The following ZNF33B variants were observed in gnomAD, a reference collection of about 807,000 sequenced individuals.
The protein encoded by ZNF33B is zinc finger protein 33B.
Under a neutral mutation model 45.8 loss-of-function variants are expected in ZNF33B, and 29 were observed. That is an observed-to-expected ratio of 0.63 (90% CI 0.47 to 0.86). The LOEUF (loss-of-function observed/expected upper bound fraction) is 0.86. Among genes scored for constraint, ZNF33B ranks in the 40% least tolerant of loss-of-function variants. ZNF33B has a pLI of 0.00. For synonymous variants in ZNF33B, 305 were observed against 307.8 expected, an observed-to-expected ratio of 0.99 and a Z score of 0.10; for missense variants, 831 against 909.9, an observed-to-expected ratio of 0.91 and a Z score of 1.12.
intron 4 of ZNF33B, among the ~76,000 whole-genome samples, chr10:42,604,571 C>G (rs1237740218): frequency 6.6e-6 from 1 of 151,936 alleles, no homozygotes; most frequent in Non-Finnish European, 1.5e-5. Context: ...AATGAAAATT[C>G]TGGATTCAAA....
At chr10:42,611,757 CACATAACACAACT>C (rs1207148500) in intron 4 of ZNF33B, among the ~76,000 whole-genome samples, 46 of 152,294 alleles carry the variant, frequency 3.0e-4, no homozygotes, top group African/African-American at 1.1e-3. Context: ...AATAAAAGGA[CACATAACACAACT>C]ACATAATGAA....
intron 4 of ZNF33B, among the ~76,000 whole-genome samples, chr10:42,615,802 G>A (rs1838286398): frequency 6.6e-6 from 1 of 152,066 alleles, no homozygotes; most frequent in Non-Finnish European, 1.5e-5. Context: ...GTGCATGCCT[G>A]CAATCCCAGC....
intron 4 of ZNF33B, among the ~76,000 whole-genome samples, chr10:42,620,217 GAAAAA>G (rs35650961): frequency 9.9e-6 from 1 of 100,626 alleles, no homozygotes. Flanking sequence ...CTTTGGTCTT[GAAAAA>G]AAAAAAAAAA....
At chr10:42,587,920 G>A (rs912951525), downstream of ZNF33B, among the ~76,000 whole-genome samples, 1 of 152,170 alleles carries the variant, frequency 6.6e-6, no homozygotes, top group African/African-American at 2.4e-5. Context: ...ACAGGGTGCA[G>A]GTACTACCCC....
intron 4 of ZNF33B, among the ~76,000 whole-genome samples, chr10:42,630,482 T>C (rs1248213080): frequency 6.6e-6 from 1 of 152,194 alleles, no homozygotes; most frequent in Non-Finnish European, 1.5e-5. Flanking sequence ...GAATGTGCAG[T>C]TTTATATCTT....
At chr10:42,614,794 A>C (rs1412637140) in intron 4 of ZNF33B, among the ~76,000 whole-genome samples, 1 of 152,068 alleles carries the variant, frequency 6.6e-6, no homozygotes, top group African/African-American at 2.4e-5. Flanking sequence ...TCTCCACAAA[A>C]AATACAAAAA....
At chr10:42,582,204 T>C (rs1836841094) in intron 1 of ZNF33B, 1 of 152,130 alleles carries the variant, frequency 6.6e-6, no homozygotes, top group Non-Finnish European at 1.5e-5. Flanking sequence ...TCACAGTCTA[T>C]TCAGAGTTAG....
At position 42,591,235 on chromosome 10, in the gene ZNF33B, G is replaced by A; in HGVS notation, c.*1378C>T. 1 of 920,310 alleles carries A rather than the reference G, an allele frequency of 1.1e-6. No homozygotes were observed. Among genetic ancestry groups the A allele is most frequent in the East Asian group, 1.2e-4 (1 of 8,466 alleles). 57.0% of individuals were successfully genotyped at this position (920,310 alleles called of 1,614,324 possible). A position where few individuals can be genotyped will look rare whatever the true frequency, so the allele number is the denominator to read the frequency against. ...GCCCTGGGCAGCAACTGGGCTGTATGTGTGGGCCTCTTTCCAGGGCCCTGT... is the reference window on the plus strand; with the variant it reads ...GCCCTGGGCAGCAACTGGGCTGTATATGTGGGCCTCTTTCCAGGGCCCTGT... On this transcript the variant is annotated 3_prime_UTR_variant, in exon 5 of 5. Coordinates refer to ENST00000359467, the MANE Select transcript of ZNF33B (RefSeq NM_006955.3).
chr10:42,625,481 C>CT (rs201193506), intron 4 of ZNF33B, among the ~76,000 whole-genome samples: 2,545 of 151,118 alleles, frequency 0.017, 73 homozygotes, highest in African/African-American at 0.058. Flanking sequence ...GTTTTCTTTT[C>CT]TTTTTTTTTG....
At chr10:42,581,110 A>G (rs2132013776) in intron 1 of ZNF33B, among the ~76,000 whole-genome samples, 1 of 152,194 alleles carries the variant, frequency 6.6e-6, no homozygotes, top group South Asian at 2.1e-4. Context: ...TCTGAGTTTC[A>G]GGCAGGCCAA....
At chr10:42,583,022 A>C in intron 1 of ZNF33B, 2 of 775,068 alleles carry the variant, frequency 2.6e-6, no homozygotes, top group Non-Finnish European at 4.6e-6. Context: ...AAGGCCATTG[A>C]TCTTCCAGTC....
Position 42,594,445 on chromosome 10 carries a change from C to T in ZNF33B, c.505G>A (p.Glu169Lys), listed in dbSNP as rs368178942. Residue 169 changes from glutamate (E) to lysine (K), a missense_variant, in exon 5 of 5, where the codon GAA (glutamate) becomes AAA (lysine). Glu to Lys is a moderately conservative substitution (Grantham distance 56, BLOSUM62 1). Coordinates refer to ENST00000359467, the MANE Select transcript of ZNF33B (RefSeq NM_006955.3). ...KINYLGKKSDEFNACGKLLLN... is the reference protein window; with the variant it reads ...KINYLGKKSDKFNACGKLLLN... The stretch of plus-strand genomic sequence containing the variant: ...AACAATTTCCCACATGCATTAAATT[C>T]GTCAGACTTTTTTCCTAAATAGTTT... The T allele has an allele frequency of 2.2e-5, 36 of 1,613,438 alleles. No homozygotes were observed. Among genetic ancestry groups the T allele is most frequent in the East Asian group, 4.5e-5 (2 of 44,856 alleles).
intron 4 of ZNF33B, among the ~76,000 whole-genome samples, chr10:42,607,903 C>A (rs1036806913): frequency 3.9e-5 from 6 of 152,022 alleles, no homozygotes; most frequent in African/African-American, 1.2e-4. Context: ...ATTTGAAAAT[C>A]CAATCAAAAA....
rs1033185154 is a variant in ZNF33B, at chr10:42,590,050, T to C, written c.*2563A>G. The C allele has an allele frequency of 3.9e-5, 6 of 152,236 alleles. No homozygotes were observed. The highest frequency in any genetic ancestry group is 8.8e-5 in the Non-Finnish European group (6 of 68,042). The allele number at this position is 152,236 out of a possible 1,614,324, so 9.4% of individuals were successfully genotyped here. A position where few individuals can be genotyped will look rare whatever the true frequency, so the allele number is the denominator to read the frequency against. On this transcript the variant is annotated 3_prime_UTR_variant, in exon 5 of 5. Transcript: ENST00000359467. ...GCTTTTTCTGTACCTATTGATATGATCATATTTAATCTTTGAACTGCTAAT... is the reference window on the plus strand; with the variant it reads ...GCTTTTTCTGTACCTATTGATATGACCATATTTAATCTTTGAACTGCTAAT...
At chr10:42,634,219 ACATGGAGAAGCCCTGT>A (rs1297371725) in intron 2 of ZNF33B, among the ~76,000 whole-genome samples, 1 of 151,828 alleles carries the variant, frequency 6.6e-6, no homozygotes, top group East Asian at 1.9e-4. Context: ...AGCCTGGCCA[ACATGGAGAAGCCCTGT>A]CTCTACTAAA....
chr10:42,593,342 C>T lies in ZNF33B; in HGVS notation c.1608G>A (p.Leu536=), dbSNP rs199879019. ...ECYECGKTFC[L]KSDLTIHQRT... ...TCTGATGTATTGTGAGGTCTGACTT[C>T]AAGCAGAAGGTTTTCCCACATTCAT... is the stretch of plus-strand genomic sequence containing the variant. The change falls in exon 5 of 5, where the codon TTG becomes TTA. Residue 536 remains leucine (L), a synonymous_variant. Transcript: ENST00000359467. 2.5e-5 allele frequency: 40 copies of T among 1,613,586 alleles called. No homozygotes were observed. The highest frequency in any genetic ancestry group is 1.6e-4 in the Middle Eastern group (1 of 6,080).
intron 2 of ZNF33B, chr10:42,636,709 A>T (rs1839319296): frequency 1.6e-6 from 1 of 609,134 alleles, no homozygotes; most frequent in Non-Finnish European, 2.8e-6. Flanking sequence ...AGTCCCAGCC[A>T]ATCGGGAGGC....
At chr10:42,617,728 G>A (rs1838388822) in intron 4 of ZNF33B, among the ~76,000 whole-genome samples, 1 of 152,032 alleles carries the variant, frequency 6.6e-6, no homozygotes, top group African/African-American at 2.4e-5. Flanking sequence ...TCCTAACGCT[G>A]GCAACCACGA....
At chr10:42,625,038 TTATATA>T (rs58614890) in intron 4 of ZNF33B, among the ~76,000 whole-genome samples, 2,547 of 145,476 alleles carry the variant, frequency 0.018, 76 homozygotes, top group African/African-American at 0.061. Context: ...GTTTCATATT[TTATATA>T]TATATATATA....
Sources: gnomAD v4.1 joint callset for allele counts (sites outside exome capture counted in the v4.1 genomes callset) on GRCh38, gnomAD v4.1.1 for gene constraint, MANE v1.5 for transcripts, NCBI Gene and HGNC (gene_info 2026-07-23, HGNC 2026-07-21) for gene names.